MBD5: variants seen among roughly 807,000 people sequenced by gnomAD.
MBD5 encodes the protein methyl-CpG-binding domain protein 5.
Under a neutral mutation model 117.3 loss-of-function variants are expected in MBD5, and 13 were observed. The ratio of observed to expected loss-of-function variants is 0.11; its 90% CI spans 0.07 to 0.18. MBD5 has a LOEUF of 0.18. Among genes scored for constraint, MBD5 ranks in the 10% least tolerant of loss-of-function variants. MBD5 has a pLI of 1.00. For missense variants in MBD5, 1,879 were observed against 2,093.8 expected (o/e 0.90, Z 2.00); for synonymous variants, 727 against 766.4 (o/e 0.95, Z 0.85).
chr2:148,062,010 CATAA>C (rs563242719), intron 1 of MBD5: 246 of 149,844 alleles, frequency 1.6e-3, no homozygotes, highest in African/African-American at 5.6e-3. Context: ...CTTTTTTATT[CATAA>C]ATATGTAAGG....
chr2:148,174,671 C>T (rs990983425), intron 1 of MBD5, among the ~76,000 whole-genome samples: 1 of 151,424 alleles, frequency 6.6e-6, no homozygotes, highest in African/African-American at 2.4e-5. Flanking sequence ...AAAAAGGCAT[C>T]CAAAAGTCCA....
At chr2:148,257,621 G>C (rs1700620768) in intron 3 of MBD5, among the ~76,000 whole-genome samples, 1 of 152,198 alleles carries the variant, frequency 6.6e-6, no homozygotes, top group African/African-American at 2.4e-5. Flanking sequence ...AAATCTGCAA[G>C]AGAATCAGAG....
intron 1 of MBD5, among the ~76,000 whole-genome samples, chr2:148,147,796 G>A (rs1190586573): frequency 2.0e-5 from 3 of 152,032 alleles, no homozygotes; most frequent in Non-Finnish European, 4.4e-5. Context: ...GTGTGTGTTG[G>A]GTGATGACCT....
chr2:148,206,078 G>A (rs7568878), intron 2 of MBD5, among the ~76,000 whole-genome samples: 1,696 of 151,314 alleles, frequency 0.011, 30 homozygotes, highest in African/African-American at 0.039. Flanking sequence ...AGCCGAGATC[G>A]CGTCACTGCA....
chr2:148,292,085 C>G (rs936506675), intron 3 of MBD5, among the ~76,000 whole-genome samples: 1 of 152,216 alleles, frequency 6.6e-6, no homozygotes, highest in Non-Finnish European at 1.5e-5. Flanking sequence ...TAAAGACTTA[C>G]ATTTAAGACC....
At chr2:148,074,888 C>T (rs1695464888) in intron 1 of MBD5, among the ~76,000 whole-genome samples, 1 of 152,066 alleles carries the variant, frequency 6.6e-6, no homozygotes, top group Admixed American at 6.6e-5. Context: ...TCTCTTTCCT[C>T]CAAACTCTGT....
chr2:148,117,766 A>T (rs905396948), intron 1 of MBD5, among the ~76,000 whole-genome samples: 2 of 152,218 alleles, frequency 1.3e-5, no homozygotes. Context: ...TCAATGGATT[A>T]TCTCATTTAA....
chr2:148,239,856 C>A (rs1317207407), intron 3 of MBD5, among the ~76,000 whole-genome samples: 3 of 152,120 alleles, frequency 2.0e-5, no homozygotes, highest in Non-Finnish European at 2.9e-5. Flanking sequence ...CACCACCATG[C>A]CCAGCTAATT....
At chr2:148,129,269 G>A (rs1162718773) in intron 1 of MBD5, among the ~76,000 whole-genome samples, 1 of 152,056 alleles carries the variant, frequency 6.6e-6, no homozygotes, top group Non-Finnish European at 1.5e-5. Context: ...CAGAGGCAGT[G>A]GATCACCTGA....
chr2:148,420,675 T>C (rs559725186), intron 4 of MBD5, among the ~76,000 whole-genome samples: 5 of 151,976 alleles, frequency 3.3e-5, no homozygotes, highest in African/African-American at 1.2e-4. Flanking sequence ...TCTACCCATA[T>C]TGCCCTCTTG....
At chr2:148,163,248 T>A (rs1419700361) in intron 1 of MBD5, among the ~76,000 whole-genome samples, 1 of 152,208 alleles carries the variant, frequency 6.6e-6, no homozygotes, top group East Asian at 1.9e-4. Context: ...AATAGGATCA[T>A]AGGTCTTGGA....
chr2:148,474,558 C>A (rs970892774), intron 8 of MBD5, among the ~76,000 whole-genome samples: 1 of 151,976 alleles, frequency 6.6e-6, no homozygotes, highest in African/African-American at 2.4e-5. Flanking sequence ...ATTTAATCAG[C>A]TCTTTTAAAC....
chr2:148,345,653 A>G (rs1703105505), intron 4 of MBD5, among the ~76,000 whole-genome samples: 1 of 145,680 alleles, frequency 6.9e-6, no homozygotes, highest in Non-Finnish European at 1.5e-5. Context: ...ACGTATACAT[A>G]TACATATGTA....
intron 8 of MBD5, among the ~76,000 whole-genome samples, chr2:148,478,199 TC>T (rs1681031862): frequency 6.6e-6 from 1 of 152,184 alleles, no homozygotes; most frequent in Non-Finnish European, 1.5e-5. Context: ...TAGGAAAATA[TC>T]CTTTAAAATT....
intron 1 of MBD5, chr2:148,044,746 A>T (rs907313479): frequency 6.6e-6 from 1 of 152,082 alleles, no homozygotes; most frequent in African/African-American, 2.4e-5. Flanking sequence ...TATTATGTAA[A>T]ATCTGTTATT....
chr2:148,509,668 T>C (rs894744735), intron 12 of MBD5, among the ~76,000 whole-genome samples: 6 of 152,158 alleles, frequency 3.9e-5, no homozygotes, highest in African/African-American at 1.4e-4. Flanking sequence ...GCCCTTCCTC[T>C]GATCACACAG....
At chr2:148,115,914 C>T (rs1302983494) in intron 1 of MBD5, among the ~76,000 whole-genome samples, 5 of 152,098 alleles carry the variant, frequency 3.3e-5, no homozygotes, top group African/African-American at 1.2e-4. Flanking sequence ...ATGATCATGG[C>T]TCACTGCAAC....
intron 3 of MBD5, among the ~76,000 whole-genome samples, chr2:148,278,114 G>T (rs1252957618): frequency 6.6e-6 from 1 of 152,012 alleles, no homozygotes; most frequent in African/African-American, 2.4e-5. Context: ...TGCTTTTTCC[G>T]GAATGTCATA....
intron 4 of MBD5, among the ~76,000 whole-genome samples, chr2:148,375,358 C>A (rs1176698668): frequency 2.6e-5 from 4 of 152,152 alleles, no homozygotes; most frequent in Non-Finnish European, 4.4e-5. Context: ...CAAGAGCTGG[C>A]TTTGGAGTTG....
Sources: allele counts gnomAD v4.1 joint callset (sites outside exome capture counted in the v4.1 genomes callset), GRCh38; gene constraint gnomAD v4.1.1; transcripts MANE v1.5; gene names NCBI Gene and HGNC (gene_info 2026-07-23, HGNC 2026-07-21).